The following GPC3 variants were observed in gnomAD, a reference collection of about 807,000 sequenced individuals.
GPC3 encodes glypican 3.
GPC3 carries 3 observed loss-of-function variants against 34.4 expected under a neutral mutation model. The observed-to-expected ratio is 0.09, with a 90% CI of 0.04 to 0.23. The LOEUF (loss-of-function observed/expected upper bound fraction) is 0.23. Ranked by LOEUF, GPC3 falls within the 10% of genes least tolerant of loss-of-function variation. The pLI is 1.00. For synonymous variants in GPC3, 177 were observed against 174.0 expected (o/e 1.02, Z -0.13); for missense variants, 351 against 445.6 (o/e 0.79, Z 1.91).
intron 6 of GPC3, among the ~76,000 whole-genome samples, chrX:133,638,898 G>A (rs142903492): frequency 9.0e-6 from 1 of 110,799 alleles, no homozygotes; most frequent in Non-Finnish European, 1.9e-5. Flanking sequence ...ATGTTGGGCC[G>A]CATTCAAAGC....
intron 6 of GPC3, among the ~76,000 whole-genome samples, chrX:133,616,676 T>C (rs761102058): frequency 9.1e-6 from 1 of 109,465 alleles, no homozygotes; most frequent in Non-Finnish European, 1.9e-5. Flanking sequence ...CAGTGGAATA[T>C]AATTGAGAGT....
At position 133,726,131 on chromosome X, in the gene GPC3, T is replaced by C. The variant is rs771385979; in HGVS notation, c.1033-26103A>G. The stretch of plus-strand genomic sequence containing the variant: ...AATCTCTTCATTCTCTGTTTGCTTA[T>C]CTAGGTTTCTGTAATATACAAAACA... On this transcript the variant is annotated intron_variant, in intron 3 of 7. Transcript: ENST00000370818. Among the ~76,000 whole-genome samples, 3 of 112,245 alleles carry C rather than the reference T, an allele frequency of 2.7e-5. No individual in the cohort carries two copies. In the South Asian group the frequency reaches 1.1e-3, roughly 43 times the overall value.
intron 2 of GPC3, among the ~76,000 whole-genome samples, chrX:133,807,596 T>C (rs2075643029): frequency 9.0e-6 from 1 of 111,462 alleles, no homozygotes; most frequent in African/African-American, 3.3e-5. Flanking sequence ...AGTGCTCTTG[T>C]ACAGGTAACT....
At chrX:133,683,733 G>A (rs181166060) in intron 5 of GPC3, among the ~76,000 whole-genome samples, 28 of 112,258 alleles carry the variant, frequency 2.5e-4, no homozygotes, top group East Asian at 8.4e-4. Flanking sequence ...TAAGCCATCC[G>A]TCAGCAGCAT....
intron 5 of GPC3, among the ~76,000 whole-genome samples, chrX:133,676,531 G>T (rs747012553): frequency 1.7e-4 from 19 of 112,289 alleles, no homozygotes; most frequent in African/African-American, 5.8e-4. Context: ...GTGAGCTGAA[G>T]TGTAAACTAC....
At chrX:133,613,592 GA>G (rs1212438427) in intron 6 of GPC3, among the ~76,000 whole-genome samples, 1 of 112,149 alleles carries the variant, frequency 8.9e-6, no homozygotes, top group Non-Finnish European at 1.9e-5. Context: ...AAGTATTTTG[GA>G]AACTATAAAA....
chrX:133,962,761 T>A (rs995328441), intron 1 of GPC3, among the ~76,000 whole-genome samples: 2 of 111,837 alleles, frequency 1.8e-5, no homozygotes, highest in African/African-American at 6.5e-5. Flanking sequence ...ATTTTTCAGA[T>A]ACAATCTTTA....
chrX:133,744,937 T>C (rs1369845885), intron 3 of GPC3, among the ~76,000 whole-genome samples: 2 of 110,213 alleles, frequency 1.8e-5, no homozygotes, highest in African/African-American at 3.3e-5. Context: ...CCATATGTTC[T>C]CATTCATAAG....
chrX:133,846,643 G>A (rs2075848172), intron 2 of GPC3, among the ~76,000 whole-genome samples: 1 of 111,658 alleles, frequency 9.0e-6, no homozygotes, highest in African/African-American at 3.3e-5. Context: ...ACTCAGTTCT[G>A]TAAAACTGCC....
chrX:133,811,485 T>C (rs970954339), intron 2 of GPC3, among the ~76,000 whole-genome samples: 2 of 111,919 alleles, frequency 1.8e-5, no homozygotes, highest in Non-Finnish European at 3.8e-5. Context: ...GGTTTTTTGC[T>C]TGTTTTCTGT....
chrX:133,617,708 T>C (rs1338699036), intron 6 of GPC3, among the ~76,000 whole-genome samples: 1 of 112,058 alleles, frequency 8.9e-6, no homozygotes, highest in Non-Finnish European at 1.9e-5. Flanking sequence ...AGAGATCAAT[T>C]TGTGAATACA....
At chrX:133,734,053 G>T (rs1315767516) in intron 3 of GPC3, among the ~76,000 whole-genome samples, 1 of 111,811 alleles carries the variant, frequency 8.9e-6, no homozygotes, top group Non-Finnish European at 1.9e-5. Context: ...ATTCTATGAA[G>T]CCAGTATTAC....
chrX:133,832,410 G>C (rs1477810408), intron 2 of GPC3, among the ~76,000 whole-genome samples: 1 of 108,854 alleles, frequency 9.2e-6, no homozygotes, highest in African/African-American at 3.4e-5. Context: ...CTATTCTATG[G>C]CTACTAGATC....
intron 5 of GPC3, among the ~76,000 whole-genome samples, chrX:133,674,202 G>A (rs1169253197): frequency 1.8e-5 from 2 of 110,908 alleles, no homozygotes; most frequent in Non-Finnish European, 3.8e-5. Context: ...ACTCCAGCCT[G>A]GGTGGAGTAC....
At chrX:133,638,807 A>C (rs997346967) in intron 6 of GPC3, among the ~76,000 whole-genome samples, 1 of 105,762 alleles carries the variant, frequency 9.5e-6, no homozygotes, top group Non-Finnish European at 1.9e-5. Context: ...TAACACTAAC[A>C]ATAGCTGATG....
intron 7 of GPC3, among the ~76,000 whole-genome samples, chrX:133,536,899 A>G (rs2124258733): frequency 9.0e-6 from 1 of 111,506 alleles, no homozygotes; most frequent in East Asian, 2.8e-4. Flanking sequence ...TTTTATCTAT[A>G]AGGTCTTTTC....
At chrX:133,915,522 CTT>C in intron 2 of GPC3, among the ~76,000 whole-genome samples, 1 of 112,211 alleles carries the variant, frequency 8.9e-6, no homozygotes, top group East Asian at 2.8e-4. Flanking sequence ...CCAGAGGACA[CTT>C]CCAATGAAAA....
chrX:133,778,551 A>T (rs2072012255), intron 2 of GPC3, among the ~76,000 whole-genome samples: 1 of 112,452 alleles, frequency 8.9e-6, no homozygotes, highest in African/African-American at 3.2e-5. Flanking sequence ...AGAATTTGAG[A>T]TAGTTTTCAA....
intron 2 of GPC3, among the ~76,000 whole-genome samples, chrX:133,883,522 G>A (rs940182504): frequency 8.9e-6 from 1 of 111,887 alleles, no homozygotes; most frequent in Non-Finnish European, 1.9e-5. Flanking sequence ...GAATAAAGTA[G>A]GGGAATTTAA....
Sources: gnomAD v4.1 joint callset for allele counts (sites outside exome capture counted in the v4.1 genomes callset) on GRCh38, gnomAD v4.1.1 for gene constraint, MANE v1.5 for transcripts, NCBI Gene and HGNC (gene_info 2026-07-23, HGNC 2026-07-21) for gene names.